KCND2: variants seen among roughly 807,000 people sequenced by gnomAD.
KCND2 encodes potassium voltage-gated channel subfamily D member 2.
In KCND2, 16 loss-of-function variants were observed where a neutral mutation model predicts 54.4. The observed-to-expected ratio is 0.29, with a 90% CI of 0.20 to 0.45. The LOEUF (loss-of-function observed/expected upper bound fraction) is 0.45. Ranked by LOEUF, KCND2 falls within the 20% of genes least tolerant of loss-of-function variation. The probability of loss-of-function intolerance (pLI) is 1.00; values close to 1 mark genes in which losing one functional copy is unlikely to be tolerated. For missense variants in KCND2, 486 were observed against 824.2 expected (o/e 0.59, Z 5.02); for synonymous variants, 317 against 310.7 (o/e 1.02, Z -0.21).
At chr7:120,356,634 A>G (rs1394933269) in intron 1 of KCND2, among the ~76,000 whole-genome samples, 1 of 152,142 alleles carries the variant, frequency 6.6e-6, no homozygotes, top group Admixed American at 6.6e-5. Flanking sequence ...ATAATATTAG[A>G]TAAGTCAAGA....
intron 1 of KCND2, among the ~76,000 whole-genome samples, chr7:120,633,625 A>G (rs1186330298): frequency 6.6e-6 from 1 of 152,210 alleles, no homozygotes; most frequent in Non-Finnish European, 1.5e-5. Context: ...TCCCCATTTT[A>G]CAGATGAGGA....
At chr7:120,345,221 G>C (rs978815033) in intron 1 of KCND2, among the ~76,000 whole-genome samples, 1 of 152,142 alleles carries the variant, frequency 6.6e-6, no homozygotes, top group Non-Finnish European at 1.5e-5. Flanking sequence ...AGGATAACTT[G>C]TTTGATTAAA....
chr7:120,709,347 C>G (rs1313680004), intron 1 of KCND2, among the ~76,000 whole-genome samples: 1 of 152,068 alleles, frequency 6.6e-6, no homozygotes, highest in Admixed American at 6.6e-5. Context: ...AATTTGTATG[C>G]AGAATCACCA....
chr7:120,473,041 C>G (rs1222550834), intron 1 of KCND2, among the ~76,000 whole-genome samples: 1 of 152,152 alleles, frequency 6.6e-6, no homozygotes, highest in Non-Finnish European at 1.5e-5. Flanking sequence ...GTAGAGCTTT[C>G]TGGTCACAAC....
At chr7:120,491,778 G>A (rs1398083377) in intron 1 of KCND2, among the ~76,000 whole-genome samples, 2 of 151,760 alleles carry the variant, frequency 1.3e-5, no homozygotes, top group Non-Finnish European at 1.5e-5. Flanking sequence ...GCGATTATGG[G>A]AAGTTTGAAA....
intron 1 of KCND2, among the ~76,000 whole-genome samples, chr7:120,693,776 C>A (rs1007034896): frequency 6.6e-6 from 1 of 152,186 alleles, no homozygotes; most frequent in African/African-American, 2.4e-5. Flanking sequence ...AGCAGCTAGA[C>A]CATAGTCCTG....
chr7:120,585,714 A>G (rs1792589665), intron 1 of KCND2, among the ~76,000 whole-genome samples: 1 of 152,184 alleles, frequency 6.6e-6, no homozygotes, highest in South Asian at 2.1e-4. Flanking sequence ...AATCTGGGCC[A>G]GGGCACTAAA....
chr7:120,492,021 A>C (rs1176441756), intron 1 of KCND2, among the ~76,000 whole-genome samples: 1 of 152,034 alleles, frequency 6.6e-6, no homozygotes, highest in African/African-American at 2.4e-5. Context: ...GAAATGAAAA[A>C]ATGTTTTCTT....
At chr7:120,677,476 G>A (rs1792077139) in intron 1 of KCND2, among the ~76,000 whole-genome samples, 1 of 151,342 alleles carries the variant, frequency 6.6e-6, no homozygotes, top group South Asian at 2.1e-4. Flanking sequence ...TGGATCTGCT[G>A]TTAAGTTGAG....
intron 1 of KCND2, among the ~76,000 whole-genome samples, chr7:120,529,370 C>T (rs748849256): frequency 2.0e-5 from 3 of 152,146 alleles, no homozygotes; most frequent in Non-Finnish European, 4.4e-5. Context: ...TTCACCTTCA[C>T]CCTGTTCTCC....
rs1236737877 is a variant in KCND2, at chr7:120,275,545, C to T, written c.913C>T (p.Arg305Cys). 6.2e-7 allele frequency: 1 copy of T among 1,612,872 alleles called. No individual in the cohort carries two copies. Among genetic ancestry groups the T allele is most frequent in the Non-Finnish European group, 8.5e-7 (1 of 1,179,254 alleles). ...FRVFRIFKFS[R>C]HSQGLRILGY... ...GGTCTTCAGGATCTTTAAGTTTTCC[C>T]GCCACTCTCAAGGCCTGCGCATCCT... is the stretch of plus-strand genomic sequence containing the variant. Residue 305 changes from arginine to cysteine, a missense_variant, in exon 1 of 6, where the codon CGC becomes TGC. Arg to Cys is a radical substitution (Grantham distance 180, BLOSUM62 -3). Coordinates refer to ENST00000331113, the MANE Select transcript of KCND2 (RefSeq NM_012281.3).
chr7:120,409,028 A>G (rs1280533162), intron 1 of KCND2, among the ~76,000 whole-genome samples: 1 of 151,980 alleles, frequency 6.6e-6, no homozygotes, highest in Non-Finnish European at 1.5e-5. Flanking sequence ...CTAAGAGCAA[A>G]TGCACATGCT....
chr7:120,477,547 G>A (rs1383254607), intron 1 of KCND2, among the ~76,000 whole-genome samples: 2 of 152,032 alleles, frequency 1.3e-5, no homozygotes, highest in East Asian at 3.9e-4. Flanking sequence ...CCTTCATGTG[G>A]CTATAGTTTT....
intron 1 of KCND2, among the ~76,000 whole-genome samples, chr7:120,533,506 T>C (rs1263722568): frequency 6.6e-6 from 1 of 152,122 alleles, no homozygotes; most frequent in Non-Finnish European, 1.5e-5. Flanking sequence ...ATAGAGCAAA[T>C]ATGCTGCATC....
chr7:120,339,450 T>C (rs1800206395), intron 1 of KCND2, among the ~76,000 whole-genome samples: 1 of 152,128 alleles, frequency 6.6e-6, no homozygotes, highest in South Asian at 2.1e-4. Flanking sequence ...CCTTTAGATG[T>C]AGGCTGTCAT....
chr7:120,568,717 C>A (rs1198646395), intron 1 of KCND2, among the ~76,000 whole-genome samples: 1 of 152,072 alleles, frequency 6.6e-6, no homozygotes, highest in East Asian at 1.9e-4. Flanking sequence ...TGCTAAACCT[C>A]TGTCTGTCTT....
At chr7:120,606,656 T>A (rs1792885996) in intron 1 of KCND2, among the ~76,000 whole-genome samples, 1 of 152,112 alleles carries the variant, frequency 6.6e-6, no homozygotes, top group Non-Finnish European at 1.5e-5. Context: ...GGCAGCTGTG[T>A]CAAAAATCAA....
At chr7:120,605,953 T>C (rs568344648) in intron 1 of KCND2, among the ~76,000 whole-genome samples, 1 of 152,290 alleles carries the variant, frequency 6.6e-6, no homozygotes, top group African/African-American at 2.4e-5. Context: ...TGGAAGGTAA[T>C]TGAATCATGG....
chr7:120,561,735 A>G (rs527895718), intron 1 of KCND2, among the ~76,000 whole-genome samples: 1 of 149,770 alleles, frequency 6.7e-6, no homozygotes, highest in African/African-American at 2.5e-5. Context: ...TCCCAGCCTC[A>G]CAAGTAGCTA....
Sources: allele counts gnomAD v4.1 joint callset (sites outside exome capture counted in the v4.1 genomes callset), GRCh38; gene constraint gnomAD v4.1.1; transcripts MANE v1.5; gene names NCBI Gene and HGNC (gene_info 2026-07-23, HGNC 2026-07-21).